RPSA2: variants seen among roughly 807,000 people sequenced by gnomAD.
RPSA2 encodes the protein small ribosomal subunit protein uS2B.
At chr19:23,854,791 C>T in the RPSA2 span, among the ~76,000 whole-genome samples, 36 of 152,308 alleles carry the variant, frequency 2.4e-4, no homozygotes, top group South Asian at 1.0e-3. Context: ...TGCCATCCTT[C>T]GTGGCCCATG....
At chr19:23,800,260 T>G in the RPSA2 span, among the ~76,000 whole-genome samples, 1 of 152,124 alleles carries the variant, frequency 6.6e-6, no homozygotes, top group South Asian at 2.1e-4. Context: ...GCCAGGATGG[T>G]CTCTATCTCC....
the RPSA2 span, among the ~76,000 whole-genome samples, chr19:23,867,246 A>T: frequency 0.32 from 48,867 of 152,046 alleles, 8,192 homozygotes; most frequent in Non-Finnish European, 0.38. Context: ...ACTAATCTCC[A>T]CATCCCTAGT....
chr19:23,805,315 C>T, the RPSA2 span, among the ~76,000 whole-genome samples: 8 of 152,044 alleles, frequency 5.3e-5, no homozygotes, highest in Non-Finnish European at 5.9e-5. Flanking sequence ...CAGGCATGTG[C>T]CACCACGCCC....
the RPSA2 span, among the ~76,000 whole-genome samples, chr19:23,863,120 TCTAG>T: frequency 6.6e-6 from 1 of 152,142 alleles, no homozygotes; most frequent in Non-Finnish European, 1.5e-5. Context: ...GCTTAACAGG[TCTAG>T]CGCAGGTAGA....
At chr19:23,862,508 G>T in the RPSA2 span, among the ~76,000 whole-genome samples, 1 of 151,868 alleles carries the variant, frequency 6.6e-6, no homozygotes, top group South Asian at 2.1e-4. Flanking sequence ...GATATTGGCT[G>T]TGGGTTTGTC....
the RPSA2 span, among the ~76,000 whole-genome samples, chr19:23,810,329 G>A: frequency 6.8e-6 from 1 of 146,396 alleles, no homozygotes; most frequent in Non-Finnish European, 1.5e-5. Flanking sequence ...GGGAGGCAGA[G>A]CTTGCAGTGA....
the RPSA2 span, among the ~76,000 whole-genome samples, chr19:23,843,918 C>T: frequency 2.0e-5 from 3 of 152,092 alleles, no homozygotes; most frequent in African/African-American, 7.2e-5. Context: ...CACCACCACA[C>T]CTGGCTAATT....
the RPSA2 span, among the ~76,000 whole-genome samples, chr19:23,810,587 G>A: frequency 6.6e-6 from 1 of 152,084 alleles, no homozygotes; most frequent in Non-Finnish European, 1.5e-5. Flanking sequence ...GGCTTTCACT[G>A]AGTACAAGAG....
At chr19:23,785,987 C>T in the RPSA2 span, among the ~76,000 whole-genome samples, 2 of 152,164 alleles carry the variant, frequency 1.3e-5, no homozygotes, top group Admixed American at 1.3e-4. Flanking sequence ...GTGCACACCC[C>T]ACCAATTGTT....
the RPSA2 span, among the ~76,000 whole-genome samples, chr19:23,861,751 A>T: frequency 5.9e-5 from 9 of 152,192 alleles, no homozygotes; most frequent in African/African-American, 2.2e-4. Flanking sequence ...TTTTGTGGTC[A>T]AATATTAGCT....
chr19:23,813,224 C>A, the RPSA2 span, among the ~76,000 whole-genome samples: 4 of 89,164 alleles, frequency 4.5e-5, no homozygotes, highest in South Asian at 4.8e-4. Context: ...CAGATTGAGA[C>A]CCTGTCTCAA....
the RPSA2 span, among the ~76,000 whole-genome samples, chr19:23,841,412 C>T: frequency 6.6e-6 from 1 of 152,038 alleles, no homozygotes; most frequent in Non-Finnish European, 1.5e-5. Flanking sequence ...TGCAGTGAGC[C>T]AAGATCACGC....
At chr19:23,852,511 C>T in the RPSA2 span, among the ~76,000 whole-genome samples, 2 of 152,152 alleles carry the variant, frequency 1.3e-5, no homozygotes, top group African/African-American at 4.8e-5. Context: ...AAAAGTATCC[C>T]TTAAGGAAAA....
the RPSA2 span, among the ~76,000 whole-genome samples, chr19:23,771,471 AT>A: frequency 2.6e-5 from 4 of 152,214 alleles, no homozygotes; most frequent in South Asian, 2.1e-4. Flanking sequence ...AACTAAAAAA[AT>A]GTGTGAAATT....
chr19:23,785,974 CAT>C, the RPSA2 span, among the ~76,000 whole-genome samples: 1 of 152,206 alleles, frequency 6.6e-6, no homozygotes, highest in East Asian at 1.9e-4. Flanking sequence ...TTGTGGTTCT[CAT>C]GTGCACACCC....
At chr19:23,826,521 C>T in the RPSA2 span, among the ~76,000 whole-genome samples, 1 of 152,090 alleles carries the variant, frequency 6.6e-6, no homozygotes, top group East Asian at 1.9e-4. Flanking sequence ...TAGCGTTTTG[C>T]AAACACCACT....
chr19:23,823,424 C>T, the RPSA2 span, among the ~76,000 whole-genome samples: 1 of 152,066 alleles, frequency 6.6e-6, no homozygotes, highest in Non-Finnish European at 1.5e-5. Context: ...GCCACTAGTC[C>T]CGGTTGGTCC....
the RPSA2 span, among the ~76,000 whole-genome samples, chr19:23,847,960 GT>G: frequency 6.6e-6 from 1 of 152,272 alleles, no homozygotes; most frequent in Admixed American, 6.5e-5. Flanking sequence ...CCCGCAGGCA[GT>G]CAGACCTTAT....
At chr19:23,777,338 C>T in the RPSA2 span, among the ~76,000 whole-genome samples, 15 of 152,314 alleles carry the variant, frequency 9.8e-5, no homozygotes, top group Middle Eastern at 0.01. Context: ...ATGTAACTCT[C>T]CTGCATGGGC....
Sources: allele counts gnomAD v4.1 joint callset (sites outside exome capture counted in the v4.1 genomes callset), GRCh38; gene constraint gnomAD v4.1.1; transcripts MANE v1.5; gene names NCBI Gene and HGNC (gene_info 2026-07-23, HGNC 2026-07-21).